The following CNTNAP4 variants were observed in gnomAD, a reference collection of about 807,000 sequenced individuals.
The protein encoded by CNTNAP4 is contactin associated protein family member 4.
CNTNAP4 carries 98 observed loss-of-function variants against 148.4 expected under a neutral mutation model. That is an observed-to-expected ratio of 0.66 (90% CI 0.56 to 0.78). CNTNAP4 has a LOEUF of 0.78. CNTNAP4 is among the 30% of genes least tolerant of loss of function. The pLI, the probability that CNTNAP4 is intolerant of heterozygous loss-of-function variation, is 0.00. For synonymous variants in CNTNAP4, 730 were observed against 565.1 expected, an observed-to-expected ratio of 1.29 and a Z score of -4.14; for missense variants, 1,935 against 1,565.6, an observed-to-expected ratio of 1.24 and a Z score of -3.98.
intron 9 of CNTNAP4, among the ~76,000 whole-genome samples, chr16:76,462,708 AAAG>A (rs2081024103): frequency 6.6e-6 from 1 of 152,196 alleles, no homozygotes; most frequent in South Asian, 2.1e-4. Context: ...AAAGCCTGGA[AAAG>A]AAAACCTAAA....
chr16:76,399,783 TA>T (rs1207409619), intron 3 of CNTNAP4, among the ~76,000 whole-genome samples: 1 of 152,224 alleles, frequency 6.6e-6, no homozygotes, highest in Non-Finnish European at 1.5e-5. Context: ...TTGTTATGCT[TA>T]ACTGAATAAT....
chr16:76,304,578 A>G (rs1360670446), intron 1 of CNTNAP4, among the ~76,000 whole-genome samples: 1 of 152,180 alleles, frequency 6.6e-6, no homozygotes, highest in Admixed American at 6.5e-5. Flanking sequence ...TAATCTTCCA[A>G]GTGACTTTGG....
In CNTNAP4 at chr16:76,448,819, C is replaced by T. The variant is rs139295295; in HGVS notation, c.795C>T (p.Ser265=). 258 of 1,612,186 alleles carry T rather than the reference C, an allele frequency of 1.6e-4. No individual in the cohort carries two copies. The East Asian group carries it at 5.7e-3, about 35-fold the overall frequency. ...CCCTGGTCAATCTCACCCTGGGCAGCCTGCTAGATGATCAGCATTGGCATT... is the reference window on the plus strand; with the variant it reads ...CCCTGGTCAATCTCACCCTGGGCAGTCTGCTAGATGATCAGCATTGGCATT... ...TSTLVNLTLG[S]LLDDQHWHSV... is the part of the protein sequence containing the mutation. The change falls in exon 6 of 24, where the codon AGC becomes AGT. Residue 265 remains serine, a synonymous_variant. Coordinates refer to ENST00000611870, the MANE Select transcript of CNTNAP4 (RefSeq NM_033401.5).
chr16:76,304,918 A>T (rs1960328587), intron 1 of CNTNAP4, among the ~76,000 whole-genome samples: 1 of 152,188 alleles, frequency 6.6e-6, no homozygotes. Context: ...TTGGGAATCC[A>T]TCCAAATTGT....
intron 2 of CNTNAP4, among the ~76,000 whole-genome samples, chr16:76,330,990 T>A (rs1273134017): frequency 6.6e-6 from 1 of 152,206 alleles, no homozygotes; most frequent in East Asian, 1.9e-4. Flanking sequence ...TTTACTAAAG[T>A]TTTTAAAAAT....
At chr16:76,455,337 T>C (rs746245622) in intron 8 of CNTNAP4, among the ~76,000 whole-genome samples, 1 of 152,200 alleles carries the variant, frequency 6.6e-6, no homozygotes, top group Non-Finnish European at 1.5e-5. Context: ...ATGCCTCTTG[T>C]CCCCATGGGC....
intron 17 of CNTNAP4, among the ~76,000 whole-genome samples, chr16:76,529,169 C>G (rs2083867174): frequency 6.6e-6 from 1 of 152,130 alleles, no homozygotes; most frequent in South Asian, 2.1e-4. Flanking sequence ...CTCTTTGTAG[C>G]CTGTCTTTCT....
chr16:76,298,037 A>C (rs914290489), intron 1 of CNTNAP4, among the ~76,000 whole-genome samples: 2 of 152,114 alleles, frequency 1.3e-5, no homozygotes, highest in South Asian at 4.1e-4. Context: ...ACATAGTCAC[A>C]AATTACTGTG....
At chr16:76,554,676 C>T (rs113972665) in intron 23 of CNTNAP4, among the ~76,000 whole-genome samples, 10 of 151,486 alleles carry the variant, frequency 6.6e-5, no homozygotes, top group South Asian at 6.3e-4. Flanking sequence ...GAATATGATA[C>T]GGATATAGAA....
intron 3 of CNTNAP4, among the ~76,000 whole-genome samples, chr16:76,367,036 T>G (rs530609886): frequency 6.6e-6 from 1 of 151,742 alleles, no homozygotes; most frequent in Admixed American, 6.6e-5. Context: ...AATTTACATG[T>G]TACAAAAAAT....
intron 4 of CNTNAP4, among the ~76,000 whole-genome samples, chr16:76,432,860 C>G (rs1271683678): frequency 6.6e-6 from 1 of 152,168 alleles, no homozygotes; most frequent in African/African-American, 2.4e-5. Context: ...AAGCCATACT[C>G]AACTAATTTG....
chr16:76,474,505 A>C (rs1395793282), intron 10 of CNTNAP4, among the ~76,000 whole-genome samples: 1 of 152,214 alleles, frequency 6.6e-6, no homozygotes, highest in African/African-American at 2.4e-5. Context: ...ATAAAATTGG[A>C]AAAATTTTAT....
At chr16:76,493,771 T>C (rs924828847) in intron 13 of CNTNAP4, among the ~76,000 whole-genome samples, 1 of 152,218 alleles carries the variant, frequency 6.6e-6, no homozygotes, top group Non-Finnish European at 1.5e-5. Flanking sequence ...ATAACACAGC[T>C]TCTAATAACT....
rs1404506420 is a variant in CNTNAP4 at position 76,559,617 on chromosome 16, C to T, written c.*934C>T. ...TACTTATGAGACTATTTTGCCCAAA[C>T]CTAGATCAGTCCTTTATTGGTTTAC... On this transcript the variant is annotated 3_prime_UTR_variant, in exon 24 of 24. Transcript: ENST00000611870. Among the ~76,000 whole-genome samples, 1 of 152,086 alleles carries T rather than the reference C, an allele frequency of 6.6e-6. No homozygotes were observed. Among genetic ancestry groups the T allele is most frequent in the Non-Finnish European group, 1.5e-5 (1 of 68,012 alleles).
At chr16:76,482,701 C>A (rs1417046900) in intron 12 of CNTNAP4, among the ~76,000 whole-genome samples, 1 of 152,164 alleles carries the variant, frequency 6.6e-6, no homozygotes, top group Middle Eastern at 3.2e-3. Flanking sequence ...CAAAACAGCC[C>A]AAACAAATGG....
intron 3 of CNTNAP4, among the ~76,000 whole-genome samples, chr16:76,373,347 A>G (rs2015066282): frequency 6.6e-6 from 1 of 152,140 alleles, no homozygotes; most frequent in African/African-American, 2.4e-5. Flanking sequence ...TATGTAAAAG[A>G]AACATTCTTA....
At chr16:76,528,950 C>T (rs541447265) in intron 17 of CNTNAP4, among the ~76,000 whole-genome samples, 11 of 152,290 alleles carry the variant, frequency 7.2e-5, no homozygotes, top group African/African-American at 2.6e-4. Flanking sequence ...TTAACTTCAA[C>T]TAATCTAAAC....
At chr16:76,327,069 C>G (rs1402185053) in intron 2 of CNTNAP4, among the ~76,000 whole-genome samples, 2 of 152,050 alleles carry the variant, frequency 1.3e-5, no homozygotes, top group Non-Finnish European at 2.9e-5. Context: ...CAACATTTAT[C>G]TTAAAATCAG....
chr16:76,309,735 T>C (rs1960884006), intron 1 of CNTNAP4: 4 of 626,422 alleles, frequency 6.4e-6, no homozygotes, highest in South Asian at 3.5e-5. Flanking sequence ...GTGGAGGTAA[T>C]TGAATTGGGG....
Sources: allele counts gnomAD v4.1 joint callset (sites outside exome capture counted in the v4.1 genomes callset), GRCh38; gene constraint gnomAD v4.1.1; transcripts MANE v1.5; gene names NCBI Gene and HGNC (gene_info 2026-07-23, HGNC 2026-07-21).